TMPRSS15: variants seen among roughly 807,000 people sequenced by gnomAD.
The protein encoded by TMPRSS15 is enteropeptidase.
In TMPRSS15, 128 loss-of-function variants were observed where a neutral mutation model predicts 125.3. That is an observed-to-expected ratio of 1.02 (90% CI 0.89 to 1.18). TMPRSS15 has a LOEUF of 1.18. Ranked by LOEUF, TMPRSS15 falls within the 50% of genes most tolerant of loss-of-function variation. TMPRSS15 has a pLI of 0.00. For missense variants in TMPRSS15, 1,283 were observed against 1,212.7 expected (o/e 1.06, Z -0.86); for synonymous variants, 446 against 423.2 (o/e 1.05, Z -0.66).
chr21:18,333,313 C>A (rs952562711), intron 13 of TMPRSS15, among the ~76,000 whole-genome samples: 1 of 152,092 alleles, frequency 6.6e-6, no homozygotes, highest in African/African-American at 2.4e-5. Context: ...ATTCTTATGG[C>A]CTTTGTGAAT....
At chr21:18,407,044 A>C (rs2076153709), upstream of TMPRSS15, among the ~76,000 whole-genome samples, 1 of 152,176 alleles carries the variant, frequency 6.6e-6, no homozygotes, top group African/African-American at 2.4e-5. Flanking sequence ...GTTATATGTG[A>C]TGTTGCACAG....
At chr21:18,348,476 A>G (rs62214964) in intron 10 of TMPRSS15, among the ~76,000 whole-genome samples, 40,617 of 152,086 alleles carry the variant, frequency 0.27, 5,676 homozygotes, top group South Asian at 0.43. Context: ...AAATTGTTTC[A>G]TGATTTGTAA....
At chr21:18,300,118 G>A (rs200376007) in intron 18 of TMPRSS15, among the ~76,000 whole-genome samples, 119,338 of 151,708 alleles carry the variant, frequency 0.79, 47,080 homozygotes, top group African/African-American at 0.83. Flanking sequence ...TCTATAGCTC[G>A]TCTCTTGGAT....
chr21:18,299,578 G>T (rs1229381931), intron 18 of TMPRSS15, among the ~76,000 whole-genome samples: 1 of 152,200 alleles, frequency 6.6e-6, no homozygotes, highest in Non-Finnish European at 1.5e-5. Context: ...AAAGTTGGTT[G>T]GTTGGGAGAG....
rs1187546929 is a variant in TMPRSS15 at position 18,383,764 on chromosome 21, A to G, written c.359T>C (p.Ile120Thr). The change falls in exon 4 of 25, where the codon ATA (isoleucine) becomes ACA (threonine). Residue 120 changes from isoleucine to threonine, a missense_variant. Transcript: ENST00000284885. ...RVLQFENGSIIVVFDLFFAQW... is the reference protein window; with the variant it reads ...RVLQFENGSITVVFDLFFAQW... ...GGCAAAGAAAAGGTCAAATACGACT[A>G]TAATGCTGCCATTTCTGCAAAGCAA... The G allele has an allele frequency of 3.7e-6, 6 of 1,613,530 alleles. No individual in the cohort carries two copies. Among genetic ancestry groups the G allele is most frequent in the South Asian group, 1.1e-5 (1 of 90,968 alleles).
chr21:18,417,549 A>T (rs2123184275), intron 1 of TMPRSS15, among the ~76,000 whole-genome samples: 1 of 152,318 alleles, frequency 6.6e-6, no homozygotes, highest in South Asian at 2.1e-4. Context: ...GACTCCTACT[A>T]CATAAGTTAG....
intron 23 of TMPRSS15, among the ~76,000 whole-genome samples, 163 bp downstream of exon 23, chr21:18,278,801 A>AAT (rs1489993969): frequency 6.6e-6 from 1 of 152,122 alleles, no homozygotes; most frequent in Non-Finnish European, 1.5e-5. Context: ...CACAACTCTA[A>AAT]ATATATATAT....
intron 18 of TMPRSS15, among the ~76,000 whole-genome samples, chr21:18,309,518 G>A (rs569983723): frequency 6.6e-6 from 1 of 151,846 alleles, no homozygotes; most frequent in South Asian, 2.1e-4. Flanking sequence ...TCTGACAAAG[G>A]GCTAATATCC....
At chr21:18,427,671 A>G (rs1344409472) in intron 1 of TMPRSS15, among the ~76,000 whole-genome samples, 1 of 152,212 alleles carries the variant, frequency 6.6e-6, no homozygotes, top group Non-Finnish European at 1.5e-5. Context: ...TTTACCTAAG[A>G]AATATACTTA....
chr21:18,450,331 C>A (rs979603671), intron 1 of TMPRSS15, among the ~76,000 whole-genome samples: 2 of 151,560 alleles, frequency 1.3e-5, no homozygotes, highest in African/African-American at 4.9e-5. Flanking sequence ...TTTTCTAAAA[C>A]CTTTTGTCGT....
In TMPRSS15 at chr21:18,340,787, G is replaced by A. The variant is rs558478438; in HGVS notation, c.1564+626C>T. On this transcript the variant is annotated intron_variant, in intron 13 of 24. Transcript: ENST00000284885. ...CCCCAAAGACTACAGACCATGCCAC[G>A]TGGCCAGTACAACATTTGTTTGTAT... is the stretch of plus-strand genomic sequence containing the variant. Among the ~76,000 whole-genome samples, 14 of 152,234 alleles carry A rather than the reference G, an allele frequency of 9.2e-5. No individual in the cohort carries two copies. The South Asian group carries it at 1.7e-3, about 18-fold the overall frequency.
intron 1 of TMPRSS15, among the ~76,000 whole-genome samples, chr21:18,458,731 G>A (rs1978490152): frequency 6.6e-6 from 1 of 152,122 alleles, no homozygotes; most frequent in South Asian, 2.1e-4. Context: ...AACACCCATA[G>A]AAGAGAATCT....
At chr21:18,474,072 C>A (rs142748211) in intron 1 of TMPRSS15, among the ~76,000 whole-genome samples, 83 of 152,042 alleles carry the variant, frequency 5.5e-4, no homozygotes, top group African/African-American at 2.0e-3. Context: ...TTCAAAGGGG[C>A]AGTTTTTCAC....
At chr21:18,354,917 C>G (rs2075609442) in intron 8 of TMPRSS15, among the ~76,000 whole-genome samples, 2 of 151,746 alleles carry the variant, frequency 1.3e-5, no homozygotes, top group African/African-American at 4.8e-5. Context: ...AAAAGAGATA[C>G]TTTTATGAAC....
intron 1 of TMPRSS15, among the ~76,000 whole-genome samples, chr21:18,435,345 T>C (rs2076225518): frequency 6.6e-6 from 1 of 152,216 alleles, no homozygotes; most frequent in Non-Finnish European, 1.5e-5. Flanking sequence ...CATGAATGGT[T>C]GTTGAATTTT....
chr21:18,424,504 T>C (rs762311916), intron 1 of TMPRSS15, among the ~76,000 whole-genome samples: 7 of 152,220 alleles, frequency 4.6e-5, no homozygotes, highest in Non-Finnish European at 1.0e-4. Context: ...TCTTGCAAAA[T>C]ATGACAGATG....
intron 1 of TMPRSS15, among the ~76,000 whole-genome samples, chr21:18,440,922 A>G (rs1402979341): frequency 6.6e-6 from 1 of 152,202 alleles, no homozygotes; most frequent in East Asian, 1.9e-4. Context: ...CAGAATGATC[A>G]ACCTACTAAC....
Position 18,275,309 on chromosome 21 carries a change from G to A in TMPRSS15, c.2792C>T (p.Ala931Val), listed in dbSNP as rs1315588392. 2 of 1,614,014 alleles carry A rather than the reference G, an allele frequency of 1.2e-6. No individual in the cohort carries two copies. The highest frequency in any genetic ancestry group is 1.7e-5 in the Admixed American group (1 of 60,020). Residue 931 changes from alanine (A) to valine (V), a missense_variant, in exon 24 of 25, where the codon GCT (alanine) becomes GTT (valine). Physicochemically the swap from Ala to Val is moderately conservative, Grantham distance 64. Transcript: ENST00000284885. ...CTCATTTGATAGAAGAGGAACATCAGCTTCTTGCAATATGTTTGCAGTAGT... is the reference window on the plus strand; with the variant it reads ...CTCATTTGATAGAAGAGGAACATCAACTTCTTGCAATATGTTTGCAGTAGT... Reference protein sequence around the residue: ...QGTTANILQEADVPLLSNERC... With the variant: ...QGTTANILQEVDVPLLSNERC...
chr21:18,350,718 T>C (rs1030368763), intron 10 of TMPRSS15, among the ~76,000 whole-genome samples: 14 of 151,924 alleles, frequency 9.2e-5, no homozygotes, highest in Non-Finnish European at 1.5e-4. Context: ...AAAGTACCTA[T>C]TCACATTTAA....
Sources: allele counts gnomAD v4.1 joint callset (sites outside exome capture counted in the v4.1 genomes callset), GRCh38; gene constraint gnomAD v4.1.1; transcripts MANE v1.5; gene names NCBI Gene and HGNC (gene_info 2026-07-23, HGNC 2026-07-21).